Variants in BCAS3 observed in about 807,000 individuals in gnomAD.
BCAS3 encodes BCAS3 microtubule associated cell migration factor.
A neutral mutation model predicts 116.1 loss-of-function variants in BCAS3; 53 were observed. The ratio of observed to expected loss-of-function variants is 0.46; its 90% CI spans 0.37 to 0.57. BCAS3 has a LOEUF of 0.57. Ranked by LOEUF, BCAS3 falls within the 20% of genes least tolerant of loss-of-function variation. BCAS3 has a pLI of 0.00. For missense variants in BCAS3, 917 were observed against 1,165.4 expected, an observed-to-expected ratio of 0.79 and a Z score of 3.10; for synonymous variants, 391 against 408.2, an observed-to-expected ratio of 0.96 and a Z score of 0.51.
At chr17:61,245,450 A>C (rs576072084) in intron 22 of BCAS3, 10 of 151,810 alleles carry the variant, frequency 6.6e-5, no homozygotes, top group Admixed American at 5.2e-4. Flanking sequence ...CCTGGGCTCA[A>C]GTGATCCTCT....
chr17:61,260,870 C>G (rs2049145269), intron 22 of BCAS3, among the ~76,000 whole-genome samples: 1 of 152,182 alleles, frequency 6.6e-6, no homozygotes, highest in Admixed American at 6.5e-5. Context: ...CTTCCTTTTA[C>G]CAATATGCTG....
chr17:60,907,064 A>G (rs1194447895), intron 11 of BCAS3, among the ~76,000 whole-genome samples: 1 of 152,150 alleles, frequency 6.6e-6, no homozygotes, highest in Non-Finnish European at 1.5e-5. Context: ...GAGGATAAAT[A>G]TATTCATTGC....
In BCAS3 at chr17:61,095,614, G is replaced by A. The variant is rs1273600613; in HGVS notation, c.2425+11050G>A. Among the ~76,000 whole-genome samples the A allele has an allele frequency of 6.6e-6, 1 of 151,854 alleles. No individual in the cohort carries two copies. The highest frequency in any genetic ancestry group is 1.5e-5 in the Non-Finnish European group (1 of 67,964). On this transcript the variant is annotated intron_variant, in intron 22 of 23. Transcript: ENST00000407086. This position sits in a 1 kb window ranked among gnomAD's most constrained non-coding sequence, Gnocchi z 4.7. ...CCCGAGTAGCTGGGACTCCAGGCAT[G>A]CACCACCATGCCCGGCTAATTTTTG...
rs1380927638 is a variant in BCAS3, at chr17:61,213,204, C to T, written c.2425+128640C>T. Among the ~76,000 whole-genome samples, 1 of 152,124 alleles carries T rather than the reference C, an allele frequency of 6.6e-6. No individual in the cohort carries two copies. The highest frequency in any genetic ancestry group is 1.5e-5 in the Non-Finnish European group (1 of 68,034). On this transcript the variant is annotated intron_variant, in intron 22 of 23. Transcript: ENST00000407086. The surrounding 1 kb of genome is among the most constrained non-coding windows in gnomAD (Gnocchi z 5.4). ...TTTTGTTTTGAGATTGAGTCTCACT[C>T]TGTCACCCAGGCTGGAGTGCGGTGG...
rs1379123463 is a variant in BCAS3, at chr17:61,366,147, A to G, written c.2426-2180A>G. Among the ~76,000 whole-genome samples the G allele has an allele frequency of 6.6e-6, 1 of 152,102 alleles. No individual in the cohort carries two copies. Among genetic ancestry groups the G allele is most frequent in the Non-Finnish European group, 1.5e-5 (1 of 68,018 alleles). On this transcript the variant is annotated intron_variant, in intron 22 of 23. Transcript: ENST00000407086. This position sits in a 1 kb window ranked among gnomAD's most constrained non-coding sequence, Gnocchi z 4.5. Reference sequence around the variant, plus strand: ...GACAGAGTGAGACTGTCTCAAAAAAAAAAAAAAAAGTTGAGCCAACAGGGA... The same window carrying G: ...GACAGAGTGAGACTGTCTCAAAAAAGAAAAAAAAAGTTGAGCCAACAGGGA...
At chr17:61,014,113 T>C (rs1179418767) in intron 15 of BCAS3, among the ~76,000 whole-genome samples, 2 of 152,266 alleles carry the variant, frequency 1.3e-5, no homozygotes, top group South Asian at 2.1e-4. Flanking sequence ...ACTGTGGTTA[T>C]TTAAAAAATA....
At position 60,724,420 on chromosome 17, in the gene BCAS3, CA is replaced by C. The variant is rs748461644; in HGVS notation, c.321+15117del. 7.8e-3 allele frequency among the ~76,000 whole-genome samples: 309 copies of C among 39,790 alleles called. 1 individual carries two copies. Among genetic ancestry groups the C allele is most frequent in the Middle Eastern group, 0.029 (2 of 70 alleles). 26.1% of individuals were successfully genotyped at this position (39,790 alleles called of 152,430 possible). Reference sequence around the variant, plus strand: ...CCTGGGTGACAGAGTGAGACTGTCTCAAAAAAAAAAAAAAAAAAAAAAGGCC... The same window carrying C: ...CCTGGGTGACAGAGTGAGACTGTCTCAAAAAAAAAAAAAAAAAAAAAGGCC... On this transcript the variant is annotated intron_variant, in intron 5 of 23. Transcript: ENST00000407086.
rs200098763 is a variant in BCAS3 at position 60,799,520 on chromosome 17, G to GTTTTTTTTTTTTTTTTTTTTTTTTTTTT, written c.404-8481_404-8480insTTTTTTTTTTTTTTTTTTTTTTTTTTTT. 1.7e-5 allele frequency among the ~76,000 whole-genome samples: 2 copies of GTTTTTTTTTTTTTTTTTTTTTTTTTTTT among 117,644 alleles called. 1 individual carries two copies. Among genetic ancestry groups the GTTTTTTTTTTTTTTTTTTTTTTTTTTTT allele is most frequent in the African/African-American group, 7.4e-5 (2 of 27,140 alleles). The allele number at this position is 117,644 out of a possible 152,430, so 77.2% of individuals were successfully genotyped here. A position where few individuals can be genotyped will look rare whatever the true frequency, so the allele number is the denominator to read the frequency against. ...AATATGTAAGTTTTTTGAGATTAGT[G>GTTTTTTTTTTTTTTTTTTTTTTTTTTTT]TTTGTTTTTTTTTTTTTTTTTTTTT... is the stretch of plus-strand genomic sequence containing the variant. On this transcript the variant is annotated intron_variant, in intron 6 of 23. Coordinates refer to ENST00000407086, the MANE Select transcript of BCAS3 (RefSeq NM_017679.5).
chr17:61,176,153 A>AG (rs1300548578), intron 22 of BCAS3, among the ~76,000 whole-genome samples: 4 of 150,008 alleles, frequency 2.7e-5, no homozygotes, highest in Non-Finnish European at 5.9e-5. Context: ...AAAAAAAAAA[A>AG]AAAAAAAAGA....
At chr17:60,701,159 G>A (rs931842329) in intron 4 of BCAS3, among the ~76,000 whole-genome samples, 3 of 151,878 alleles carry the variant, frequency 2.0e-5, no homozygotes, top group Admixed American at 6.6e-5. Flanking sequence ...CACTAGAATC[G>A]CTTTAACTGG....
Position 61,217,677 on chromosome 17 carries a change from C to A in BCAS3, c.2425+133113C>A, listed in dbSNP as rs1408090791. Among the ~76,000 whole-genome samples the A allele has an allele frequency of 6.6e-6, 1 of 152,144 alleles. No homozygotes were observed. Among genetic ancestry groups the A allele is most frequent in the Non-Finnish European group, 1.5e-5 (1 of 68,018 alleles). On this transcript the variant is annotated intron_variant, in intron 22 of 23. Transcript: ENST00000407086. The surrounding 1 kb of genome is among the most constrained non-coding windows in gnomAD (Gnocchi z 5.2). The stretch of plus-strand genomic sequence containing the variant: ...TTTTATCCTGTTAGGTTTTCCAGAC[C>A]TGATATCATTAGGCAGCTTCCTCTG...
chr17:60,902,457 T>C (rs1032580935), intron 10 of BCAS3, among the ~76,000 whole-genome samples, 163 bp from the exon 11 acceptor site: 1 of 152,188 alleles, frequency 6.6e-6, no homozygotes, highest in Non-Finnish European at 1.5e-5. Context: ...GGGGTAGAAG[T>C]GTCTCGGCAA....
rs990961492 is a variant in BCAS3, at chr17:61,132,909, T to C, written c.2425+48345T>C. On this transcript the variant is annotated intron_variant, in intron 22 of 23. Transcript: ENST00000407086. This position sits in a 1 kb window ranked among gnomAD's most constrained non-coding sequence, Gnocchi z 5.1. Reference sequence around the variant, plus strand: ...ACCTGACCTACTGAAAGGTTTAACTTCCAGAGGCAGGTTGTGGTTTCTGAT... The same window carrying C: ...ACCTGACCTACTGAAAGGTTTAACTCCCAGAGGCAGGTTGTGGTTTCTGAT... 2.0e-5 allele frequency among the ~76,000 whole-genome samples: 3 copies of C among 152,192 alleles called. No homozygotes were observed. The highest frequency in any genetic ancestry group is 7.2e-5 in the African/African-American group (3 of 41,442).
At chr17:60,773,838 G>A (rs531863478) in intron 6 of BCAS3, among the ~76,000 whole-genome samples, 2 of 152,160 alleles carry the variant, frequency 1.3e-5, no homozygotes, top group African/African-American at 4.8e-5. Flanking sequence ...TTGGAGACAG[G>A]TTCTCACCGT....
chr17:60,923,968 T>A (rs183593762), intron 12 of BCAS3, among the ~76,000 whole-genome samples: 26 of 152,330 alleles, frequency 1.7e-4, no homozygotes, highest in African/African-American at 6.0e-4. Context: ...TAACAAATTA[T>A]GTTGTTTCCC....
chr17:60,986,175 T>C (rs1301274477), intron 14 of BCAS3, among the ~76,000 whole-genome samples: 1 of 152,226 alleles, frequency 6.6e-6, no homozygotes, highest in Non-Finnish European at 1.5e-5. Flanking sequence ...ATATTATTCT[T>C]TCTTTTTATG....
intron 14 of BCAS3, 50 bp downstream of exon 14, chr17:60,947,402 C>G: frequency 6.5e-7 from 1 of 1,533,472 alleles, no homozygotes. Context: ...AATATGACAT[C>G]TACTCTAGCT....
chr17:60,947,245 C>T lies in BCAS3; in HGVS notation c.1114C>T (p.Leu372Phe). The part of the protein sequence containing the change: ...SGMLLVTTDT[L>F]GHDFHVFQIL... ...AATGCTTCTAGTCACAACAGACACC[C>T]TTGGCCATGACTTTCATGTCTTCCA... is the stretch of plus-strand genomic sequence containing the variant. The change falls in exon 14 of 24, where the codon CTT becomes TTT. Residue 372 changes from leucine to phenylalanine, a missense_variant. This residue lies in a region of BCAS3 where 807 missense variants were observed against 1,026.0 expected (regional missense o/e 0.79). Transcript: ENST00000407086. 1 of 1,612,948 alleles carries T rather than the reference C, an allele frequency of 6.2e-7. No individual in the cohort carries two copies. Among genetic ancestry groups the T allele is most frequent in the Non-Finnish European group, 8.5e-7 (1 of 1,179,110 alleles).
rs572370503 is a variant in BCAS3, at chr17:61,028,275, C to T, written c.1638-6391C>T. On this transcript the variant is annotated intron_variant, in intron 16 of 23. Transcript: ENST00000407086. This position sits in a 1 kb window ranked among gnomAD's most constrained non-coding sequence, Gnocchi z 4.3. ...AAACAAATCAACATAAAATTTTCCT[C>T]CTTGAAAATTATAATTAGACACAGT... 1.5e-4 allele frequency among the ~76,000 whole-genome samples: 23 copies of T among 151,810 alleles called. No individual in the cohort carries two copies. In the South Asian group the frequency reaches 4.8e-3, roughly 31 times the overall value.
Sources: gnomAD v4.1 joint callset for allele counts (sites outside exome capture counted in the v4.1 genomes callset) on GRCh38, gnomAD v4.1.1 for gene constraint, gnomAD v4.1.1 regional missense constraint, Gnocchi (gnomAD v3.1) non-coding constraint, MANE v1.5 for transcripts, NCBI Gene and HGNC (gene_info 2026-07-23, HGNC 2026-07-21) for gene names.